Variants in MACROD2 observed in about 807,000 individuals in gnomAD.
MACROD2 encodes the protein ADP-ribose glycohydrolase MACROD2.
In MACROD2, 36 loss-of-function variants were observed where a neutral mutation model predicts 70.4. That is an observed-to-expected ratio of 0.51 (90% CI 0.39 to 0.68). The LOEUF (loss-of-function observed/expected upper bound fraction) is 0.68, where lower values mean the gene tolerates loss of function less well. Among genes scored for constraint, MACROD2 ranks in the 30% least tolerant of loss-of-function variants. MACROD2 has a pLI of 0.00. For missense variants in MACROD2, 496 were observed against 538.4 expected (o/e 0.92, Z 0.78); for synonymous variants, 172 against 178.8 (o/e 0.96, Z 0.30).
At chr20:14,810,369 G>A (rs1279541677) in intron 5 of MACROD2, among the ~76,000 whole-genome samples, 1 of 151,984 alleles carries the variant, frequency 6.6e-6, no homozygotes, top group Non-Finnish European at 1.5e-5. Flanking sequence ...TACAGGAAAA[G>A]CCTTTGATAA....
intron 3 of MACROD2, among the ~76,000 whole-genome samples, chr20:14,200,104 C>A (rs1439072254): frequency 1.3e-5 from 2 of 152,086 alleles, no homozygotes; most frequent in African/African-American, 4.8e-5. Flanking sequence ...GACTCATAAA[C>A]CTGCATATTT....
intron 3 of MACROD2, among the ~76,000 whole-genome samples, chr20:14,206,146 T>C (rs2081521306): frequency 6.6e-6 from 1 of 152,176 alleles, no homozygotes; most frequent in Non-Finnish European, 1.5e-5. Context: ...GGACAGAGCA[T>C]AGGGATATTG....
At chr20:14,688,646 A>G (rs1431336611) in intron 5 of MACROD2, among the ~76,000 whole-genome samples, 2 of 152,196 alleles carry the variant, frequency 1.3e-5, no homozygotes, top group Admixed American at 1.3e-4. Flanking sequence ...CTTCTCTACA[A>G]TATTAGATAT....
In MACROD2 at chr20:15,740,989, G is replaced by T. The variant is rs142099299; in HGVS notation, c.646-121756G>T. 3.4e-4 allele frequency among the ~76,000 whole-genome samples: 51 copies of T among 151,982 alleles called. 1 individual carries two copies. The East Asian group carries it at 8.9e-3, about 27-fold the overall frequency. ...TGGTCCTTCAAAACACAATGGAAAT[G>T]ATGTCTCATCTCTGCTCAGAGCTCT... On this transcript the variant is annotated intron_variant, in intron 8 of 17. Transcript: ENST00000684519.
chr20:15,613,313 T>C (rs976146457), intron 8 of MACROD2, among the ~76,000 whole-genome samples: 3 of 152,190 alleles, frequency 2.0e-5, no homozygotes, highest in African/African-American at 7.2e-5. Flanking sequence ...CTGATTGGGG[T>C]CTTTATTGGC....
At chr20:15,974,352 G>A (rs1018507599) in intron 13 of MACROD2, among the ~76,000 whole-genome samples, 9 of 151,350 alleles carry the variant, frequency 5.9e-5, no homozygotes, top group African/African-American at 2.2e-4. Context: ...AAAGAAATGA[G>A]CTATCAAACC....
At chr20:15,327,579 AACTC>A (rs2077944692) in intron 6 of MACROD2, among the ~76,000 whole-genome samples, 1 of 152,098 alleles carries the variant, frequency 6.6e-6, no homozygotes, top group Non-Finnish European at 1.5e-5. Context: ...ATCTCACGAG[AACTC>A]ACTCACTATC....
intron 8 of MACROD2, among the ~76,000 whole-genome samples, chr20:15,580,414 A>G (rs1210950842): frequency 6.6e-6 from 1 of 152,136 alleles, no homozygotes; most frequent in Non-Finnish European, 1.5e-5. Flanking sequence ...ATTAGTCTAC[A>G]TGCCGTAACT....
chr20:14,761,755 G>C (rs1386368252), intron 5 of MACROD2, among the ~76,000 whole-genome samples: 1 of 152,078 alleles, frequency 6.6e-6, no homozygotes, highest in Admixed American at 6.5e-5. Flanking sequence ...AGCTTACTCT[G>C]AAAACACACT....
chr20:14,376,533 G>A (rs530850413), intron 3 of MACROD2, among the ~76,000 whole-genome samples: 15 of 152,072 alleles, frequency 9.9e-5, no homozygotes, highest in Middle Eastern at 3.4e-3. Context: ...GGATCATTGC[G>A]CCCTGGAGTT....
chr20:15,693,048 A>G (rs2050318395), intron 8 of MACROD2, among the ~76,000 whole-genome samples: 1 of 152,120 alleles, frequency 6.6e-6, no homozygotes, highest in Non-Finnish European at 1.5e-5. Context: ...GCCCTCCGCC[A>G]TGATTGTAAG....
intron 3 of MACROD2, among the ~76,000 whole-genome samples, chr20:14,457,694 G>A (rs1321529051): frequency 6.6e-6 from 1 of 152,098 alleles, no homozygotes; most frequent in Non-Finnish European, 1.5e-5. Context: ...GACCTTTGTT[G>A]GGGAAACAAG....
At chr20:15,279,052 T>G (rs924939053) in intron 6 of MACROD2, among the ~76,000 whole-genome samples, 6 of 152,260 alleles carry the variant, frequency 3.9e-5, no homozygotes, top group Middle Eastern at 3.4e-3. Context: ...GTTTCTTCAA[T>G]GATAATAAAA....
At chr20:15,652,395 G>A (rs546665798) in intron 8 of MACROD2, among the ~76,000 whole-genome samples, 2 of 152,150 alleles carry the variant, frequency 1.3e-5, no homozygotes, top group East Asian at 3.9e-4. Flanking sequence ...CTAAGCTTTT[G>A]TATTTTGTTT....
intron 2 of MACROD2, among the ~76,000 whole-genome samples, chr20:14,070,230 CGAGA>C (rs910856659): frequency 1.1e-4 from 16 of 152,096 alleles, no homozygotes; most frequent in African/African-American, 3.9e-4. Context: ...AATTAGCCTA[CGAGA>C]GAGAATCTTC....
intron 8 of MACROD2, among the ~76,000 whole-genome samples, chr20:15,736,803 T>C (rs956621766): frequency 1.3e-5 from 2 of 152,182 alleles, no homozygotes; most frequent in Non-Finnish European, 2.9e-5. Context: ...CAAGACCTAC[T>C]GTGGGACTTC....
chr20:15,729,831 C>CTTGTTTTTTTTTTTTTT (rs2050918633), intron 8 of MACROD2, among the ~76,000 whole-genome samples: 1 of 64,776 alleles, frequency 1.5e-5, no homozygotes, highest in South Asian at 6.4e-4. Flanking sequence ...TTGGGTCATG[C>CTTGTTTTTTTTTTTTTT]TTTTTTTTTT....
intron 8 of MACROD2, among the ~76,000 whole-genome samples, chr20:15,564,828 A>G (rs2048290204): frequency 1.3e-5 from 2 of 152,226 alleles, no homozygotes; most frequent in Non-Finnish European, 2.9e-5. Context: ...AACAATGACA[A>G]TAAGTTATGA....
chr20:14,091,823 G>C (rs2054154377), intron 3 of MACROD2, among the ~76,000 whole-genome samples: 1 of 152,090 alleles, frequency 6.6e-6, no homozygotes, highest in African/African-American at 2.4e-5. Flanking sequence ...ACCAGAGTTT[G>C]TTCAACCATT....
Sources: gnomAD v4.1 joint callset for allele counts (sites outside exome capture counted in the v4.1 genomes callset) on GRCh38, gnomAD v4.1.1 for gene constraint, MANE v1.5 for transcripts, NCBI Gene and HGNC (gene_info 2026-07-23, HGNC 2026-07-21) for gene names.